ARHGAP10: variants seen among roughly 807,000 people sequenced by gnomAD.
The protein encoded by ARHGAP10 is rho GTPase-activating protein 10.
A neutral mutation model predicts 108.6 loss-of-function variants in ARHGAP10; 87 were observed. The observed-to-expected ratio is 0.80, with a 90% confidence interval of 0.67 to 0.96. The LOEUF (loss-of-function observed/expected upper bound fraction) is 0.96. Among genes scored for constraint, ARHGAP10 ranks in the 40% least tolerant of loss-of-function variants. The pLI, the probability that ARHGAP10 is intolerant of heterozygous loss-of-function variation, is 0.00. For synonymous variants in ARHGAP10, 347 were observed against 341.1 expected, an observed-to-expected ratio of 1.02 and a Z score of -0.19; for missense variants, 939 against 954.5, an observed-to-expected ratio of 0.98 and a Z score of 0.21.
At chr4:147,890,183 G>A (rs1735741777) in intron 10 of ARHGAP10, among the ~76,000 whole-genome samples, 1 of 152,208 alleles carries the variant, frequency 6.6e-6, no homozygotes, top group Non-Finnish European at 1.5e-5. Flanking sequence ...GGAAATTGCT[G>A]TCTTTTGTTT....
intron 18 of ARHGAP10, among the ~76,000 whole-genome samples, chr4:147,984,735 G>C (rs1043968988): frequency 6.6e-6 from 1 of 152,212 alleles, no homozygotes; most frequent in African/African-American, 2.4e-5. Context: ...GCCATTCAAC[G>C]TCCAGGCCAA....
In ARHGAP10 at chr4:147,807,638, A is replaced by T. The variant is rs1416621065; in HGVS notation, c.155-15089A>T. Among the ~76,000 whole-genome samples the T allele has an allele frequency of 3.3e-5, 5 of 152,206 alleles. No individual in the cohort carries two copies. In the South Asian group the frequency reaches 8.3e-4, roughly 25 times the overall value. ...CCAAAAAAAGGCCATAAAGAGGAAA[A>T]TATTTGAAACCAAATTATTATATAT... is the stretch of plus-strand genomic sequence containing the variant. On this transcript the variant is annotated intron_variant, in intron 1 of 22. Coordinates refer to ENST00000336498, the MANE Select transcript of ARHGAP10 (RefSeq NM_024605.4).
At chr4:147,915,262 C>T (rs1287934462) in intron 13 of ARHGAP10, among the ~76,000 whole-genome samples, 2 of 152,210 alleles carry the variant, frequency 1.3e-5, no homozygotes, top group Non-Finnish European at 2.9e-5. Flanking sequence ...TTCACACTGG[C>T]AGGTTTTCAT....
intron 10 of ARHGAP10, among the ~76,000 whole-genome samples, chr4:147,887,565 T>C (rs1324907840): frequency 6.6e-6 from 1 of 152,078 alleles, no homozygotes; most frequent in African/African-American, 2.4e-5. Flanking sequence ...ATTTATGGTC[T>C]CACATTTCTT....
At chr4:147,874,932 T>A (rs1734998127) in intron 7 of ARHGAP10, 89 bp from the exon 8 acceptor site, 4 of 1,302,348 alleles carry the variant, frequency 3.1e-6, no homozygotes, top group Non-Finnish European at 4.0e-6. Flanking sequence ...TTAAAAAATG[T>A]AATTACATTT....
Position 147,763,076 on chromosome 4 carries a change from A to G in ARHGAP10, c.154+30621A>G, listed in dbSNP as rs538955203. Among the ~76,000 whole-genome samples, 5 of 152,348 alleles carry G rather than the reference A, an allele frequency of 3.3e-5. No homozygotes were observed. The South Asian group carries it at 6.2e-4, about 19-fold the overall frequency. Reference sequence around the variant, plus strand: ...AACAGAAAACCCATAATAAAACTGTATAAGATTTATTGCAAGATGGCTACT... The same window carrying G: ...AACAGAAAACCCATAATAAAACTGTGTAAGATTTATTGCAAGATGGCTACT... On this transcript the variant is annotated intron_variant, in intron 1 of 22. Coordinates refer to ENST00000336498, the MANE Select transcript of ARHGAP10 (RefSeq NM_024605.4).
At chr4:147,989,668 T>G (rs938626775) in intron 18 of ARHGAP10, among the ~76,000 whole-genome samples, 9 of 152,246 alleles carry the variant, frequency 5.9e-5, no homozygotes, top group African/African-American at 2.2e-4. Flanking sequence ...AGGTTATCTC[T>G]CTTATTCCCT....
At chr4:147,931,804 A>G (rs778478824) in intron 13 of ARHGAP10, among the ~76,000 whole-genome samples, 42 of 152,246 alleles carry the variant, frequency 2.8e-4, no homozygotes, top group Non-Finnish European at 5.0e-4. Context: ...AGCAATTGCA[A>G]CAAAAGCAAA....
chr4:147,818,457 T>TGTA (rs1285442368), intron 1 of ARHGAP10, among the ~76,000 whole-genome samples: 22 of 151,772 alleles, frequency 1.4e-4, no homozygotes, highest in Admixed American at 1.4e-3. Context: ...TTCCAGCCAC[T>TGTA]TGGGAGGCTG....
chr4:147,787,559 G>A (rs1308264693), intron 1 of ARHGAP10, among the ~76,000 whole-genome samples: 1 of 152,114 alleles, frequency 6.6e-6, no homozygotes, highest in Non-Finnish European at 1.5e-5. Context: ...TTGGAATTGG[G>A]AAAACTAATC....
Position 147,837,643 on chromosome 4 carries a change from G to GTTTTTTTTTTTTTTTTTTTTT in ARHGAP10, c.313-9489_313-9488insTTTTTTTTTTTTTTTTTTTTT, listed in dbSNP as rs59933316. ...CACCTCGCTAGAATCTCTGGTCACT[G>GTTTTTTTTTTTTTTTTTTTTT]TTTTTTTTTTTTTTTTTTTAAAGCA... On this transcript the variant is annotated intron_variant, in intron 3 of 22. Transcript: ENST00000336498. Among the ~76,000 whole-genome samples, 252 of 70,194 alleles carry GTTTTTTTTTTTTTTTTTTTTT rather than the reference G, an allele frequency of 3.6e-3. 11 individuals are homozygous for GTTTTTTTTTTTTTTTTTTTTT. Among genetic ancestry groups the GTTTTTTTTTTTTTTTTTTTTT allele is most frequent in the Non-Finnish European group, 3.9e-3 (129 of 32,936 alleles). The allele number at this position is 70,194 out of a possible 152,430, so 46.0% of individuals were successfully genotyped here. A position where few individuals can be genotyped will look rare whatever the true frequency, so the allele number is the denominator to read the frequency against.
intron 13 of ARHGAP10, among the ~76,000 whole-genome samples, chr4:147,939,595 C>T (rs1738091292): frequency 6.6e-6 from 1 of 152,192 alleles, no homozygotes; most frequent in South Asian, 2.1e-4. Context: ...TGAGGCATTT[C>T]ATTTTTGTCC....
intron 1 of ARHGAP10, among the ~76,000 whole-genome samples, chr4:147,784,334 CATTAA>C (rs1458960326): frequency 7.9e-6 from 1 of 126,866 alleles, no homozygotes; most frequent in Non-Finnish European, 1.6e-5. Context: ...ATTTACATAA[CATTAA>C]ATTATATATA....
At chr4:147,856,319 T>C (rs913144416) in intron 4 of ARHGAP10, among the ~76,000 whole-genome samples, 1 of 152,222 alleles carries the variant, frequency 6.6e-6, no homozygotes, top group Admixed American at 6.5e-5. Context: ...ATATCAATAT[T>C]ATTTTAGGCC....
intron 3 of ARHGAP10, among the ~76,000 whole-genome samples, chr4:147,832,289 C>A (rs1434019612): frequency 6.6e-6 from 1 of 151,820 alleles, no homozygotes; most frequent in Non-Finnish European, 1.5e-5. Context: ...GATGGTATAG[C>A]CTTGAAAACA....
chr4:147,757,191 T>C (rs1319706397), intron 1 of ARHGAP10, among the ~76,000 whole-genome samples: 2 of 123,458 alleles, frequency 1.6e-5, no homozygotes, highest in Non-Finnish European at 3.4e-5. Flanking sequence ...CAGTCTAGCC[T>C]TTTTTTTTTT....
At chr4:147,805,246 G>A (rs1277547704) in intron 1 of ARHGAP10, among the ~76,000 whole-genome samples, 1 of 152,128 alleles carries the variant, frequency 6.6e-6, no homozygotes, top group African/African-American at 2.4e-5. Flanking sequence ...TTTCCCCATT[G>A]TTTGTTTTTG....
intron 1 of ARHGAP10, among the ~76,000 whole-genome samples, chr4:147,751,036 G>T (rs1348572713): frequency 6.6e-6 from 1 of 151,714 alleles, no homozygotes; most frequent in African/African-American, 2.4e-5. Context: ...AAAATTAGCC[G>T]GGTGTGATGG....
chr4:147,743,883 C>T (rs1578991022), intron 1 of ARHGAP10, among the ~76,000 whole-genome samples: 1 of 152,122 alleles, frequency 6.6e-6, no homozygotes, highest in African/African-American at 2.4e-5. Flanking sequence ...ATTGCCTGAA[C>T]CATAGTGAAC....
Sources: allele counts gnomAD v4.1 joint callset (sites outside exome capture counted in the v4.1 genomes callset), GRCh38; gene constraint gnomAD v4.1.1; transcripts MANE v1.5; gene names NCBI Gene and HGNC (gene_info 2026-07-23, HGNC 2026-07-21).